TBX15: variants seen among roughly 807,000 people sequenced by gnomAD.
The protein encoded by TBX15 is T-box transcription factor TBX15.
A neutral mutation model predicts 53.9 loss-of-function variants in TBX15; 18 were observed. That is an observed-to-expected ratio of 0.33 (90% CI 0.23 to 0.49). The LOEUF (loss-of-function observed/expected upper bound fraction) is 0.49, where lower values mean the gene tolerates loss of function less well. Among genes scored for constraint, TBX15 ranks in the 20% least tolerant of loss-of-function variants. TBX15 has a pLI of 0.98. For missense variants in TBX15, 692 were observed against 749.5 expected (o/e 0.92, Z 0.90); for synonymous variants, 295 against 278.0 (o/e 1.06, Z -0.61).
chr1:118,983,591 A>G (rs1657716739), intron 1 of TBX15, among the ~76,000 whole-genome samples: 1 of 152,196 alleles, frequency 6.6e-6, no homozygotes, highest in Non-Finnish European at 1.5e-5. Context: ...GTCACTTACC[A>G]AAAGGGTGAC....
intron 1 of TBX15, among the ~76,000 whole-genome samples, chr1:118,966,874 T>C (rs994277582): frequency 1.3e-5 from 2 of 152,230 alleles, no homozygotes; most frequent in Non-Finnish European, 2.9e-5. Flanking sequence ...ATTAGCAGTA[T>C]TATGCAAGTG....
At chr1:118,980,288 G>C (rs1026985130) in intron 1 of TBX15, among the ~76,000 whole-genome samples, 5 of 152,144 alleles carry the variant, frequency 3.3e-5, no homozygotes, top group Non-Finnish European at 5.9e-5. Flanking sequence ...GCAGCGGTGA[G>C]GGGATTCGGA....
At chr1:118,930,868 C>A (rs1337299473) in intron 2 of TBX15, among the ~76,000 whole-genome samples, 1 of 152,168 alleles carries the variant, frequency 6.6e-6, no homozygotes, top group Admixed American at 6.5e-5. Flanking sequence ...TGTGCCTTAG[C>A]CAAGCTAATT....
intron 1 of TBX15, among the ~76,000 whole-genome samples, chr1:118,936,884 T>G (rs1459183919): frequency 1.1e-4 from 16 of 152,202 alleles, no homozygotes; most frequent in Admixed American, 1.0e-3. Context: ...ACCAAATATT[T>G]CTGCTTTGCC....
chr1:118,887,517 A>G (rs1219683335), intron 7 of TBX15, among the ~76,000 whole-genome samples: 2 of 152,154 alleles, frequency 1.3e-5, no homozygotes, highest in African/African-American at 4.8e-5. Flanking sequence ...TCTACTAAAA[A>G]TACAAAAATT....
rs1251978721 is a variant in TBX15, at chr1:118,931,711, G to A, written c.327C>T (p.Ser109=). ...GCAGCTCCACCTGAATCTCCTCCAT[G>A]GAAGACATGGCAGCAGGCACAGGGC... ...AAGPVPAAMS[S]MEEIQVELQC... The change falls in exon 2 of 8, where the codon TCC becomes TCT. Residue 109 remains serine (S), a synonymous_variant. Coordinates refer to ENST00000369429, the MANE Select transcript of TBX15 (RefSeq NM_001330677.2). 6.2e-7 allele frequency: 1 copy of A among 1,613,948 alleles called. No homozygotes were observed. Among genetic ancestry groups the A allele is most frequent in the African/African-American group, 1.3e-5 (1 of 74,926 alleles).
At chr1:118,940,496 C>T (rs566752278) in intron 1 of TBX15, among the ~76,000 whole-genome samples, 28 of 151,882 alleles carry the variant, frequency 1.8e-4, no homozygotes, top group Non-Finnish European at 2.4e-4. Context: ...TTAATGGAAG[C>T]ATTGAAAGAC....
chr1:118,966,373 A>G (rs1657034489), intron 1 of TBX15, among the ~76,000 whole-genome samples: 1 of 152,204 alleles, frequency 6.6e-6, no homozygotes, highest in African/African-American at 2.4e-5. Context: ...ACAAAAGTAG[A>G]CATTCTGGGC....
At chr1:118,926,711 T>C (rs1655607447) in intron 2 of TBX15, 100 bp from the exon 3 acceptor site, 1 of 1,081,556 alleles carries the variant, frequency 9.2e-7, no homozygotes, top group Non-Finnish European at 1.4e-6. Context: ...GTTTGTTTTC[T>C]TGTTTGTTTT....
At chr1:118,899,252 G>C in intron 6 of TBX15, 127 bp from the exon 7 acceptor site, 4 of 848,928 alleles carry the variant, frequency 4.7e-6, no homozygotes, top group Admixed American at 2.0e-5. Flanking sequence ...CCACCATCAA[G>C]GTAAATTCGG....
chr1:118,986,597 GTC>G (rs35782617), intron 1 of TBX15, among the ~76,000 whole-genome samples: 15,743 of 152,208 alleles, frequency 0.1, 910 homozygotes, highest in Non-Finnish European at 0.13. Context: ...GCCCCAGACC[GTC>G]TCTATCCCAG....
intron 1 of TBX15, among the ~76,000 whole-genome samples, chr1:118,973,399 G>A (rs911392200): frequency 6.6e-6 from 1 of 151,818 alleles, no homozygotes; most frequent in African/African-American, 2.4e-5. Flanking sequence ...TCCCAACAGA[G>A]GCCATCCAAT....
In TBX15 at chr1:118,885,270, A is replaced by G; in HGVS notation, c.1271T>C (p.Leu424Pro). ...AGTGGCTGAAGTGGTGCCACTCTGA[A>G]GCCTGTTGTAGCCACTGTCACTCAG... is the stretch of plus-strand genomic sequence containing the variant. Reference protein sequence around the residue: ...PGLSDSGYNRLQSGTTSATQP... With the variant: ...PGLSDSGYNRPQSGTTSATQP... The change falls in exon 8 of 8, where the codon CTT (leucine) becomes CCT (proline). Residue 424 changes from leucine to proline, a missense_variant. Coordinates refer to ENST00000369429, the MANE Select transcript of TBX15 (RefSeq NM_001330677.2). 1 of 1,614,050 alleles carries G rather than the reference A, an allele frequency of 6.2e-7. No homozygotes were observed. Among genetic ancestry groups the G allele is most frequent in the African/African-American group, 1.3e-5 (1 of 75,032 alleles).
rs1483019306 is a variant in TBX15 at position 118,917,320 on chromosome 1, AG to A, written c.862-3142del. Among the ~76,000 whole-genome samples the A allele has an allele frequency of 1.4e-4, 21 of 152,346 alleles. No homozygotes were observed. In the South Asian group the frequency reaches 3.7e-3, roughly 27 times the overall value. On this transcript the variant is annotated intron_variant, in intron 5 of 7. Transcript: ENST00000369429. ...ATCCTAAGCAAACGAACGCAGGAACAGAAAACCAAACACCACATGTTCTCTC... is the reference window on the plus strand; with the variant it reads ...ATCCTAAGCAAACGAACGCAGGAACAAAAACCAAACACCACATGTTCTCTC...
chr1:118,959,853 C>T (rs1167333964), intron 1 of TBX15, among the ~76,000 whole-genome samples: 1 of 152,118 alleles, frequency 6.6e-6, no homozygotes, highest in Non-Finnish European at 1.5e-5. Flanking sequence ...AATTTCTCCT[C>T]CTTGTACAGA....
At chr1:118,895,236 C>T (rs1043089098) in intron 7 of TBX15, among the ~76,000 whole-genome samples, 1 of 152,164 alleles carries the variant, frequency 6.6e-6, no homozygotes, top group Non-Finnish European at 1.5e-5. Context: ...TGGTACTGAA[C>T]TCGGTAGTGA....
intron 1 of TBX15, among the ~76,000 whole-genome samples, chr1:118,976,090 T>C (rs1261516706): frequency 2.6e-5 from 4 of 152,112 alleles, no homozygotes; most frequent in Non-Finnish European, 4.4e-5. Context: ...AAAAAAGTAG[T>C]AAATGATCAA....
At chr1:118,982,527 C>G (rs373946494) in intron 1 of TBX15, among the ~76,000 whole-genome samples, 1 of 152,284 alleles carries the variant, frequency 6.6e-6, no homozygotes, top group Non-Finnish European at 1.5e-5. Flanking sequence ...ACGAGGAACT[C>G]GTTTCCATGT....
chr1:118,913,898 G>C (rs1655104152), intron 6 of TBX15, among the ~76,000 whole-genome samples: 1 of 152,158 alleles, frequency 6.6e-6, no homozygotes, highest in Non-Finnish European at 1.5e-5. Context: ...AATATGATGT[G>C]GGGAAGAAAA....
Sources: allele counts gnomAD v4.1 joint callset (sites outside exome capture counted in the v4.1 genomes callset), GRCh38; gene constraint gnomAD v4.1.1; transcripts MANE v1.5; gene names NCBI Gene and HGNC (gene_info 2026-07-23, HGNC 2026-07-21).